The following CACNA2D3 variants were observed in gnomAD, a reference collection of about 807,000 sequenced individuals.
CACNA2D3 encodes voltage-dependent calcium channel subunit alpha-2/delta-3.
CACNA2D3 carries 60 observed loss-of-function variants against 160.6 expected under a neutral mutation model. The observed-to-expected ratio is 0.37, with a 90% CI of 0.30 to 0.46. The LOEUF (loss-of-function observed/expected upper bound fraction) is 0.46, where lower values mean the gene tolerates loss of function less well. Among genes scored for constraint, CACNA2D3 ranks in the 20% least tolerant of loss-of-function variants. The probability of loss-of-function intolerance (pLI) is 1.00; values close to 1 mark genes in which losing one functional copy is unlikely to be tolerated. For synonymous variants in CACNA2D3, 558 were observed against 492.9 expected (o/e 1.13, Z -1.75); for missense variants, 1,205 against 1,365.0 (o/e 0.88, Z 1.85).
intron 13 of CACNA2D3, among the ~76,000 whole-genome samples, chr3:54,770,747 T>C (rs1278692634): frequency 6.6e-6 from 1 of 152,216 alleles, no homozygotes; most frequent in African/African-American, 2.4e-5. Context: ...TCAGTTGTCT[T>C]CATTCCCAAA....
At chr3:54,159,205 G>A (rs1190299721) in intron 2 of CACNA2D3, among the ~76,000 whole-genome samples, 1 of 152,130 alleles carries the variant, frequency 6.6e-6, no homozygotes, top group Non-Finnish European at 1.5e-5. Context: ...AAGTGGGGAT[G>A]TAGAAATAAG....
At chr3:54,786,844 T>C (rs558247653) in intron 13 of CACNA2D3, among the ~76,000 whole-genome samples, 1 of 152,180 alleles carries the variant, frequency 6.6e-6, no homozygotes, top group Non-Finnish European at 1.5e-5. Flanking sequence ...ATCTTACATA[T>C]CTTTGCATGT....
rs540193185 is a variant in CACNA2D3, at chr3:54,569,934, T to C, written c.738-20T>C. On this transcript the variant is annotated intron_variant, in intron 7 of 37. Transcript: ENST00000474759. ...AGTGAAGTCAGGATTAATTTTGACTTAATTTTTCCCTTGACCTAGGTACAT... is the reference window on the plus strand; with the variant it reads ...AGTGAAGTCAGGATTAATTTTGACTCAATTTTTCCCTTGACCTAGGTACAT... The C allele has an allele frequency of 2.5e-6, 4 of 1,613,706 alleles. No individual in the cohort carries two copies. The highest frequency in any genetic ancestry group is 3.4e-6 in the Non-Finnish European group (4 of 1,179,756).
chr3:54,150,822 TGATGGATGGATG>T (rs10599520), intron 2 of CACNA2D3, among the ~76,000 whole-genome samples: 2 of 150,784 alleles, frequency 1.3e-5, no homozygotes, highest in African/African-American at 4.9e-5. Context: ...GCTTAATACA[TGATGGATGGATG>T]GATGGATGGA....
At chr3:54,870,284 A>C (rs1488637252) in intron 17 of CACNA2D3, among the ~76,000 whole-genome samples, 2 of 152,048 alleles carry the variant, frequency 1.3e-5, no homozygotes, top group African/African-American at 4.8e-5. Context: ...TGGCCTCAGC[A>C]CCTGTCTCCA....
At chr3:55,021,641 A>G (rs1444315762) in intron 35 of CACNA2D3, among the ~76,000 whole-genome samples, 5 of 125,592 alleles carry the variant, frequency 4.0e-5, no homozygotes, top group Non-Finnish European at 6.9e-5. Flanking sequence ...ATATATATAT[A>G]TATGTGTATA....
chr3:54,822,790 C>CCTTCCTTTCTTTCTTTCTTT (rs1703653063), intron 14 of CACNA2D3, among the ~76,000 whole-genome samples: 1 of 71,912 alleles, frequency 1.4e-5, no homozygotes, highest in East Asian at 4.6e-4. Context: ...TTCTTTCTTT[C>CCTTCCTTTCTTTCTTTCTTT]CTTTCTTTCT....
intron 17 of CACNA2D3, among the ~76,000 whole-genome samples, chr3:54,861,274 A>G (rs1699285667): frequency 6.6e-6 from 1 of 152,174 alleles, no homozygotes; most frequent in Admixed American, 6.5e-5. Flanking sequence ...CTGAGGGGTT[A>G]GCAGAAATTG....
chr3:55,053,717 C>T (rs1448807708), intron 35 of CACNA2D3, among the ~76,000 whole-genome samples: 4 of 151,966 alleles, frequency 2.6e-5, no homozygotes, highest in South Asian at 2.1e-4. Flanking sequence ...TATGGACATA[C>T]GGTCATCAAA....
At chr3:54,281,255 C>A (rs1702872593) in intron 2 of CACNA2D3, among the ~76,000 whole-genome samples, 1 of 152,194 alleles carries the variant, frequency 6.6e-6, no homozygotes, top group African/African-American at 2.4e-5. Context: ...CCCTCCCTTG[C>A]CACTTGGAAG....
At chr3:55,033,496 T>TA (rs1559469223) in intron 35 of CACNA2D3, among the ~76,000 whole-genome samples, 2 of 149,776 alleles carry the variant, frequency 1.3e-5, no homozygotes, top group African/African-American at 4.9e-5. Flanking sequence ...CTCATTTTTT[T>TA]ATACAATGAT....
intron 34 of CACNA2D3, among the ~76,000 whole-genome samples, chr3:55,016,234 T>C (rs992191145): frequency 5.9e-5 from 9 of 152,118 alleles, no homozygotes; most frequent in Non-Finnish European, 1.5e-5. Context: ...CAAAAAGTGA[T>C]GGTTCAAAAA....
chr3:54,480,910 A>C (rs1323892381), intron 4 of CACNA2D3, among the ~76,000 whole-genome samples: 2 of 152,200 alleles, frequency 1.3e-5, no homozygotes, highest in Admixed American at 1.3e-4. Flanking sequence ...AGAAAAAGAA[A>C]ACAATCCATA....
chr3:54,237,242 C>G (rs1286683498), intron 2 of CACNA2D3, among the ~76,000 whole-genome samples: 1 of 152,006 alleles, frequency 6.6e-6, no homozygotes, highest in Non-Finnish European at 1.5e-5. Flanking sequence ...CTGCTCATGT[C>G]CCTAGAAGGA....
intron 35 of CACNA2D3, among the ~76,000 whole-genome samples, chr3:55,045,418 C>T (rs1462709304): frequency 6.6e-6 from 1 of 152,164 alleles, no homozygotes; most frequent in Admixed American, 6.6e-5. Flanking sequence ...TATAAAAACA[C>T]TTGTGAAGTG....
At chr3:54,578,324 G>T (rs1194243347) in intron 8 of CACNA2D3, among the ~76,000 whole-genome samples, 1 of 152,208 alleles carries the variant, frequency 6.6e-6, no homozygotes, top group Non-Finnish European at 1.5e-5. Context: ...AGGGCAAGAG[G>T]TGACCAAATC....
intron 2 of CACNA2D3, among the ~76,000 whole-genome samples, chr3:54,178,756 T>C (rs1700721630): frequency 6.6e-6 from 1 of 152,196 alleles, no homozygotes; most frequent in Non-Finnish European, 1.5e-5. Context: ...AAAGCAGTTT[T>C]AAAATAAATA....
intron 27 of CACNA2D3, among the ~76,000 whole-genome samples, chr3:54,941,899 G>A (rs1701477191): frequency 6.6e-6 from 1 of 152,162 alleles, no homozygotes; most frequent in African/African-American, 2.4e-5. Context: ...TAGTAAAAAT[G>A]GAAACTGCTC....
intron 2 of CACNA2D3, among the ~76,000 whole-genome samples, chr3:54,236,804 G>T (rs1701887038): frequency 6.6e-6 from 1 of 152,110 alleles, no homozygotes; most frequent in African/African-American, 2.4e-5. Context: ...ACTGCCAAGA[G>T]ATTCTTGTAC....
Sources: gnomAD v4.1 joint callset for allele counts (sites outside exome capture counted in the v4.1 genomes callset) on GRCh38, gnomAD v4.1.1 for gene constraint, MANE v1.5 for transcripts, NCBI Gene and HGNC (gene_info 2026-07-23, HGNC 2026-07-21) for gene names.